The following CTNNA3 variants were observed in gnomAD, a reference collection of about 807,000 sequenced individuals.
The protein encoded by CTNNA3 is catenin alpha 3, also known as catenin alpha-3.
Under a neutral mutation model 95.7 loss-of-function variants are expected in CTNNA3, and 76 were observed. The ratio of observed to expected loss-of-function variants is 0.79; its 90% CI spans 0.66 to 0.96. CTNNA3 has a LOEUF of 0.96. Among genes scored for constraint, CTNNA3 ranks in the 40% least tolerant of loss-of-function variants. The probability of loss-of-function intolerance (pLI) is 0.00; values close to 1 mark genes in which losing one functional copy is unlikely to be tolerated. For synonymous variants in CTNNA3, 431 were observed against 374.4 expected (o/e 1.15, Z -1.74); for missense variants, 1,191 against 1,089.8 (o/e 1.09, Z -1.31).
intron 17 of CTNNA3, among the ~76,000 whole-genome samples, chr10:65,928,595 G>A (rs1433878470): frequency 6.6e-6 from 1 of 152,132 alleles, no homozygotes; most frequent in African/African-American, 2.4e-5. Flanking sequence ...TATATAAATT[G>A]TAGAATTATT....
rs1414225131 is a variant in CTNNA3 at position 65,944,874 on chromosome 10, A to ATCAG, written c.2400+21737_2400+21738insCTGA. 2.7e-5 allele frequency among the ~76,000 whole-genome samples: 4 copies of ATCAG among 147,782 alleles called. No homozygotes were observed. The East Asian group carries it at 6.0e-4, about 22-fold the overall frequency. ...TATCTGTCTATCTATCTATCTATCT[A>ATCAG]TCTATCTATCTATCTATCTATCTAT... On this transcript the variant is annotated intron_variant, in intron 17 of 17. Transcript: ENST00000433211.
In CTNNA3 at chr10:66,526,467, G is replaced by A. The variant is rs908106400; in HGVS notation, c.1375-5694C>T. 2.9e-4 allele frequency among the ~76,000 whole-genome samples: 44 copies of A among 152,254 alleles called. 1 individual carries two copies. Among genetic ancestry groups the A allele is most frequent in the African/African-American group, 9.6e-4 (40 of 41,538 alleles). On this transcript the variant is annotated intron_variant, in intron 10 of 17. Transcript: ENST00000433211. Reference sequence around the variant, plus strand: ...CTCCCAAAGTGCTGGGATTCCAGGCGTGAGCCACTGTGCGAAGACTGACAA... The same window carrying A: ...CTCCCAAAGTGCTGGGATTCCAGGCATGAGCCACTGTGCGAAGACTGACAA...
At chr10:66,337,388 C>T (rs1285215155) in intron 12 of CTNNA3, among the ~76,000 whole-genome samples, 1 of 152,048 alleles carries the variant, frequency 6.6e-6, no homozygotes, top group African/African-American at 2.4e-5. Context: ...CTATTTACTG[C>T]ATTTGTCCAA....
chr10:65,992,215 T>G (rs1323479548), intron 15 of CTNNA3, among the ~76,000 whole-genome samples: 1 of 152,086 alleles, frequency 6.6e-6, no homozygotes, highest in Non-Finnish European at 1.5e-5. Flanking sequence ...TTTCTTTCTT[T>G]CTTGTGTTCT....
chr10:67,191,587 T>C (rs915489409), intron 6 of CTNNA3, among the ~76,000 whole-genome samples: 1 of 151,794 alleles, frequency 6.6e-6, no homozygotes, highest in Non-Finnish European at 1.5e-5. Context: ...AAGGCATTGA[T>C]GAAAAAAATT....
intron 15 of CTNNA3, among the ~76,000 whole-genome samples, chr10:66,050,532 A>G (rs1485002751): frequency 1.3e-5 from 2 of 152,058 alleles, no homozygotes; most frequent in Non-Finnish European, 2.9e-5. Context: ...GGCTTGATCA[A>G]GTGATCATCC....
intron 15 of CTNNA3, among the ~76,000 whole-genome samples, chr10:65,992,023 T>A (rs1176711058): frequency 6.6e-6 from 1 of 152,152 alleles, no homozygotes; most frequent in Non-Finnish European, 1.5e-5. Context: ...TTTTAATCTT[T>A]CATTCTTTTG....
chr10:67,668,770 G>A (rs1247383519), intron 1 of CTNNA3, among the ~76,000 whole-genome samples: 1 of 150,822 alleles, frequency 6.6e-6, no homozygotes, highest in Admixed American at 6.6e-5. Context: ...TCAGACCAGG[G>A]TTGACCTTGA....
intron 7 of CTNNA3, among the ~76,000 whole-genome samples, chr10:66,805,574 T>TTG (rs1045481889): frequency 5.3e-5 from 8 of 150,776 alleles, no homozygotes; most frequent in Non-Finnish European, 8.9e-5. Flanking sequence ...TGGTAATTTA[T>TTG]GGGGGGGAGA....
At chr10:67,630,075 A>G (rs2133433357) in intron 2 of CTNNA3, among the ~76,000 whole-genome samples, 1 of 152,270 alleles carries the variant, frequency 6.6e-6, no homozygotes, top group South Asian at 2.1e-4. Context: ...CCTATAACTG[A>G]GTGTCACTAA....
intron 6 of CTNNA3, among the ~76,000 whole-genome samples, chr10:67,194,873 T>A (rs1863275812): frequency 6.6e-6 from 1 of 151,960 alleles, no homozygotes; most frequent in Non-Finnish European, 1.5e-5. Flanking sequence ...AAAACTGCTC[T>A]AAAATAAAGT....
chr10:67,048,794 T>C (rs181304502), intron 7 of CTNNA3, among the ~76,000 whole-genome samples: 151 of 152,194 alleles, frequency 9.9e-4, no homozygotes, highest in Non-Finnish European at 1.1e-3. Context: ...AATTTCCAAG[T>C]ATTATATCTC....
chr10:67,370,206 A>C (rs1296458225), intron 5 of CTNNA3, among the ~76,000 whole-genome samples: 1 of 151,448 alleles, frequency 6.6e-6, no homozygotes, highest in African/African-American at 2.4e-5. Flanking sequence ...AATAAGGCAG[A>C]TCTCTATATG....
intron 5 of CTNNA3, among the ~76,000 whole-genome samples, chr10:67,251,525 C>A (rs1189939559): frequency 1.3e-5 from 2 of 152,060 alleles, no homozygotes; most frequent in Non-Finnish European, 2.9e-5. Flanking sequence ...CAAAGACATA[C>A]CCATACATAT....
intron 7 of CTNNA3, among the ~76,000 whole-genome samples, chr10:67,117,687 T>C (rs1047682549): frequency 6.6e-6 from 1 of 152,060 alleles, no homozygotes; most frequent in African/African-American, 2.4e-5. Context: ...TATAAAGCCA[T>C]GGTGATCACA....
intron 9 of CTNNA3, among the ~76,000 whole-genome samples, chr10:66,648,246 T>C (rs766713540): frequency 1.4e-4 from 21 of 152,102 alleles, no homozygotes; most frequent in Non-Finnish European, 2.9e-4. Context: ...TTCCACTGGT[T>C]TGGGGTAAGG....
intron 7 of CTNNA3, among the ~76,000 whole-genome samples, chr10:67,128,032 AGG>A (rs950538171): frequency 1.3e-5 from 2 of 152,110 alleles, no homozygotes; most frequent in African/African-American, 4.8e-5. Flanking sequence ...CAATAGCTCA[AGG>A]TCAAAACTCT....
At chr10:66,839,483 C>G (rs1056841442) in intron 7 of CTNNA3, among the ~76,000 whole-genome samples, 12 of 152,028 alleles carry the variant, frequency 7.9e-5, no homozygotes, top group African/African-American at 2.4e-4. Context: ...GAAATACAAT[C>G]CAATAAATCT....
intron 7 of CTNNA3, chr10:67,098,349 T>C (rs1858139614): frequency 6.6e-6 from 1 of 152,560 alleles, no homozygotes; most frequent in African/African-American, 2.4e-5. Context: ...TTATTATGCT[T>C]ACTGCGTAGA....
Sources: allele counts gnomAD v4.1 joint callset (sites outside exome capture counted in the v4.1 genomes callset), GRCh38; gene constraint gnomAD v4.1.1; transcripts MANE v1.5; gene names NCBI Gene and HGNC (gene_info 2026-07-23, HGNC 2026-07-21).